GRID2: variants seen among roughly 807,000 people sequenced by gnomAD.
GRID2 encodes glutamate ionotropic receptor delta type subunit 2.
GRID2 carries 33 observed loss-of-function variants against 114.8 expected under a neutral mutation model. The observed-to-expected ratio is 0.29, with a 90% CI of 0.22 to 0.38. GRID2 has a LOEUF of 0.38. GRID2 is among the 10% of genes least tolerant of loss of function. The pLI is 1.00. For missense variants in GRID2, 1,184 were observed against 1,257.7 expected (o/e 0.94, Z 0.89); for synonymous variants, 505 against 449.9 (o/e 1.12, Z -1.55).
chr4:92,409,066 C>G (rs1004507070), intron 1 of GRID2, among the ~76,000 whole-genome samples: 3 of 151,978 alleles, frequency 2.0e-5, no homozygotes, highest in Non-Finnish European at 2.9e-5. Flanking sequence ...AGGGGAATGC[C>G]TGAGGTTTCT....
At chr4:93,629,322 G>T (rs1743034832) in intron 14 of GRID2, among the ~76,000 whole-genome samples, 1 of 152,198 alleles carries the variant, frequency 6.6e-6, no homozygotes, top group South Asian at 2.1e-4. Context: ...GAGTTTCTTG[G>T]TAACGACACC....
At chr4:92,590,970 G>A (rs200394377) in intron 2 of GRID2, among the ~76,000 whole-genome samples, 1 of 152,050 alleles carries the variant, frequency 6.6e-6, no homozygotes. Flanking sequence ...GCTTCTATTA[G>A]TCTAATTAAA....
intron 2 of GRID2, among the ~76,000 whole-genome samples, chr4:92,610,122 A>G (rs7692067): frequency 0.047 from 7,177 of 151,698 alleles, 209 homozygotes; most frequent in East Asian, 0.094. Context: ...GAATGTGAAC[A>G]GAGGTGTGGA....
chr4:92,524,782 A>T (rs1240290431), intron 1 of GRID2, among the ~76,000 whole-genome samples: 1 of 151,980 alleles, frequency 6.6e-6, no homozygotes, highest in African/African-American at 2.4e-5. Flanking sequence ...TCCAGGAATT[A>T]GGAGGTAGAT....
chr4:92,830,964 G>A (rs1742061458), intron 2 of GRID2, among the ~76,000 whole-genome samples: 1 of 152,110 alleles, frequency 6.6e-6, no homozygotes, highest in East Asian at 1.9e-4. Context: ...AGATAGAATG[G>A]TTAAGCTGTC....
At chr4:92,595,405 G>T (rs1053187115) in intron 2 of GRID2, among the ~76,000 whole-genome samples, 1 of 151,834 alleles carries the variant, frequency 6.6e-6, no homozygotes, top group Non-Finnish European at 1.5e-5. Flanking sequence ...CTGTTGTGAT[G>T]CTGGAAATAT....
At chr4:93,049,287 CAAAT>C (rs1726461289) in intron 2 of GRID2, among the ~76,000 whole-genome samples, 2 of 151,814 alleles carry the variant, frequency 1.3e-5, no homozygotes, top group Admixed American at 1.3e-4. Flanking sequence ...ATTTATGTAA[CAAAT>C]AAAAATGCAA....
At chr4:93,618,817 G>T (rs1741949387) in intron 13 of GRID2, among the ~76,000 whole-genome samples, 1 of 152,142 alleles carries the variant, frequency 6.6e-6, no homozygotes. Context: ...TCTACCTAGA[G>T]CCCCAACCTT....
intron 3 of GRID2, among the ~76,000 whole-genome samples, chr4:93,098,392 A>G (rs897359775): frequency 6.6e-6 from 1 of 151,970 alleles, no homozygotes; most frequent in Non-Finnish European, 1.5e-5. Flanking sequence ...TTCCAGGCAG[A>G]CTCACCATCA....
chr4:93,704,646 T>C (rs954380505), intron 14 of GRID2, among the ~76,000 whole-genome samples: 2 of 152,180 alleles, frequency 1.3e-5, no homozygotes, highest in Admixed American at 1.3e-4. Context: ...ATCATCTTGC[T>C]CTTTATGAGT....
intron 2 of GRID2, among the ~76,000 whole-genome samples, chr4:92,800,951 C>T (rs1005579120): frequency 5.3e-5 from 8 of 152,030 alleles, no homozygotes; most frequent in Admixed American, 2.6e-4. Context: ...CTTAAGCCTC[C>T]GTTTTTTCAT....
In GRID2 at chr4:92,304,012, A is replaced by G. The variant is rs967858306; in HGVS notation, c.-645A>G. 1 of 152,418 alleles carries G rather than the reference A, an allele frequency of 6.6e-6. No homozygotes were observed. The highest frequency in any genetic ancestry group is 1.5e-5 in the Non-Finnish European group (1 of 68,238). 9.4% of individuals were successfully genotyped at this position (152,418 alleles called of 1,614,324 possible). A position where few individuals can be genotyped will look rare whatever the true frequency, so the allele number is the denominator to read the frequency against. On this transcript the variant is annotated 5_prime_UTR_variant, in exon 1 of 16. Transcript: ENST00000282020. ...CTCGCCAAGCTGCGTTCCGCGCCTC[A>G]CGCAGAAAGGGAATTTTCTCTGCAT... is the stretch of plus-strand genomic sequence containing the variant.
At chr4:93,239,257 CAT>C (rs1215037563) in intron 8 of GRID2, among the ~76,000 whole-genome samples, 1 of 147,690 alleles carries the variant, frequency 6.8e-6, no homozygotes, top group African/African-American at 2.5e-5. Context: ...GGAAATAAAT[CAT>C]ATATATATCA....
chr4:92,667,293 A>G (rs186477429), intron 2 of GRID2, among the ~76,000 whole-genome samples: 136 of 151,748 alleles, frequency 9.0e-4, no homozygotes, highest in Middle Eastern at 6.8e-3. Flanking sequence ...TTGAGTTTTT[A>G]ATAATATTTG....
intron 13 of GRID2, among the ~76,000 whole-genome samples, chr4:93,611,280 G>A (rs1248718100): frequency 8.2e-5 from 9 of 109,808 alleles, no homozygotes; most frequent in East Asian, 4.6e-4. Flanking sequence ...TGGATTCATT[G>A]ATTTTTTGAA....
At chr4:92,563,857 A>G (rs1397368312) in intron 1 of GRID2, among the ~76,000 whole-genome samples, 1 of 152,070 alleles carries the variant, frequency 6.6e-6, no homozygotes, top group Non-Finnish European at 1.5e-5. Context: ...GTTCAGCTAA[A>G]TGAAATACCT....
chr4:92,812,822 T>G (rs113404428), intron 2 of GRID2, among the ~76,000 whole-genome samples: 1 of 152,186 alleles, frequency 6.6e-6, no homozygotes, highest in Non-Finnish European at 1.5e-5. Flanking sequence ...CTTAATTTGC[T>G]ACTTCTTGAA....
At chr4:92,457,818 CT>C (rs1721291238) in intron 1 of GRID2, among the ~76,000 whole-genome samples, 1 of 152,150 alleles carries the variant, frequency 6.6e-6, no homozygotes, top group Non-Finnish European at 1.5e-5. Context: ...TGTGATGAAT[CT>C]ATGCCTGTCT....
chr4:93,363,826 A>G (rs1015928835), intron 8 of GRID2, among the ~76,000 whole-genome samples: 41 of 151,966 alleles, frequency 2.7e-4, no homozygotes, highest in African/African-American at 9.4e-4. Flanking sequence ...AAGAGAAAAT[A>G]TTAGTTAATA....
Sources: gnomAD v4.1 joint callset for allele counts (sites outside exome capture counted in the v4.1 genomes callset) on GRCh38, gnomAD v4.1.1 for gene constraint, MANE v1.5 for transcripts, NCBI Gene and HGNC (gene_info 2026-07-23, HGNC 2026-07-21) for gene names.